Variants in DDC observed in about 807,000 individuals in gnomAD.
The protein encoded by DDC is dopa decarboxylase.
DDC carries 43 observed loss-of-function variants against 60.0 expected under a neutral mutation model. That is an observed-to-expected ratio of 0.72 (90% CI 0.56 to 0.92). DDC has a LOEUF of 0.92. Among genes scored for constraint, DDC ranks in the 40% least tolerant of loss-of-function variants. DDC has a pLI of 0.00. For missense variants in DDC, 573 were observed against 620.2 expected (o/e 0.92, Z 0.81); for synonymous variants, 232 against 234.6 (o/e 0.99, Z 0.10).
chr7:50,478,204 C>T lies in DDC; in HGVS notation c.1022-1561G>A, dbSNP rs1247377309. Among the ~76,000 whole-genome samples, 2 of 98,476 alleles carry T rather than the reference C, an allele frequency of 2.0e-5. 1 individual carries two copies. Among genetic ancestry groups the T allele is most frequent in the Non-Finnish European group, 4.3e-5 (2 of 46,248 alleles). The allele number at this position is 98,476 out of a possible 152,430, so 64.6% of individuals were successfully genotyped here. A position where few individuals can be genotyped will look rare whatever the true frequency, so the allele number is the denominator to read the frequency against. On this transcript the variant is annotated intron_variant, in intron 10 of 14. Coordinates refer to ENST00000444124, the MANE Select transcript of DDC (RefSeq NM_001082971.2). ...TTCCAGCTTGGGTGACAGAGCCAAACCCTGTCTCAAAAAAAAAAAATTGTC... is the reference window on the plus strand; with the variant it reads ...TTCCAGCTTGGGTGACAGAGCCAAATCCTGTCTCAAAAAAAAAAAATTGTC...
intron 6 of DDC, among the ~76,000 whole-genome samples, chr7:50,523,787 T>G (rs1378139513): frequency 6.6e-6 from 1 of 152,210 alleles, no homozygotes; most frequent in African/African-American, 2.4e-5. Context: ...AAGCACACTC[T>G]TACCATACGA....
chr7:50,541,555 C>T (rs1046338731), intron 2 of DDC: 1 of 152,244 alleles, frequency 6.6e-6, no homozygotes, highest in African/African-American at 2.4e-5. Context: ...TTAGTGCCCT[C>T]ATAAGAAAAG....
At chr7:50,535,752 A>G (rs965278680) in intron 4 of DDC, among the ~76,000 whole-genome samples, 3 of 152,234 alleles carry the variant, frequency 2.0e-5, no homozygotes, top group African/African-American at 7.2e-5. Context: ...TCATTCCCAG[A>G]GATTTCAGGT....
chr7:50,470,071 A>G lies in DDC; in HGVS notation c.1140+2T>C, dbSNP rs1302169923. 1 of 1,587,026 alleles carries G rather than the reference A, an allele frequency of 6.3e-7. No homozygotes were observed. Among genetic ancestry groups the G allele is most frequent in the Non-Finnish European group, 8.7e-7 (1 of 1,155,446 alleles). On this transcript the variant is annotated splice_donor_variant, in intron 12 of 14. Transcript: ENST00000444124. LOFTEE classifies it high-confidence loss of function. ...CGTGATAAATAATAAAAACAAAGTC[A>G]CCTTGCGGATATAAGCCTGCAGTCC...
chr7:50,462,747 A>G (rs1001459101), intron 14 of DDC, among the ~76,000 whole-genome samples: 3 of 150,358 alleles, frequency 2.0e-5, no homozygotes, highest in Non-Finnish European at 2.9e-5. Flanking sequence ...TCCAGAATTA[A>G]CATGGTTTTC....
At chr7:50,541,539 G>A (rs1198648079) in intron 2 of DDC, 1 of 152,264 alleles carries the variant, frequency 6.6e-6, no homozygotes, top group Non-Finnish European at 1.5e-5. Context: ...CCCCCCAACA[G>A]TGGGATTAGT....
At chr7:50,463,163 C>T in intron 14 of DDC, 50 bp downstream of exon 14, 1 of 1,487,236 alleles carries the variant, frequency 6.7e-7, no homozygotes, top group Non-Finnish European at 9.2e-7. Flanking sequence ...GGAGGACACT[C>T]TTGCCACGGG....
chr7:50,472,224 C>T (rs1391308749), intron 11 of DDC, among the ~76,000 whole-genome samples: 1 of 152,150 alleles, frequency 6.6e-6, no homozygotes, highest in Non-Finnish European at 1.5e-5. Flanking sequence ...CCTTTTTAGT[C>T]CCAGCCCCAA....
chr7:50,466,644 T>C (rs2042405299), intron 13 of DDC, among the ~76,000 whole-genome samples: 1 of 152,164 alleles, frequency 6.6e-6, no homozygotes, highest in South Asian at 2.1e-4. Flanking sequence ...TCAGTAGAGA[T>C]GGCTTATGCC....
intron 9 of DDC, among the ~76,000 whole-genome samples, chr7:50,494,973 CTT>C (rs1279165862): frequency 1.3e-5 from 2 of 152,150 alleles, no homozygotes; most frequent in African/African-American, 4.8e-5. Context: ...TTAGCAAATA[CTT>C]TTAAGCATTT....
intron 6 of DDC, among the ~76,000 whole-genome samples, chr7:50,527,220 T>C (rs1317187527): frequency 6.6e-6 from 1 of 150,822 alleles, no homozygotes; most frequent in Non-Finnish European, 1.5e-5. Context: ...CGACATACGC[T>C]ATAAGTGGTT....
chr7:50,515,657 C>T (rs920158552), intron 6 of DDC, among the ~76,000 whole-genome samples: 1 of 152,178 alleles, frequency 6.6e-6, no homozygotes, highest in Admixed American at 6.5e-5. Flanking sequence ...TGGATAATAA[C>T]TCACCAACCA....
At chr7:50,466,493 GAAAAAAAAAAA>G (rs57396757) in intron 13 of DDC, among the ~76,000 whole-genome samples, 4 of 64,088 alleles carry the variant, frequency 6.2e-5, no homozygotes, top group Non-Finnish European at 1.0e-4. Context: ...TCTCCAAAAA[GAAAAAAAAAAA>G]AAAAAAAAAA....
chr7:50,472,804 G>A (rs1287166194), intron 11 of DDC, among the ~76,000 whole-genome samples: 1 of 152,114 alleles, frequency 6.6e-6, no homozygotes, highest in Non-Finnish European at 1.5e-5. Context: ...CTCATCTACT[G>A]ACGGGGGATA....
intron 1 of DDC, among the ~76,000 whole-genome samples, chr7:50,557,967 C>A (rs1030533618): frequency 1.3e-5 from 2 of 152,150 alleles, no homozygotes; most frequent in East Asian, 3.9e-4. Context: ...TATTTTCATT[C>A]ATGGTTGCTA....
intron 8 of DDC, among the ~76,000 whole-genome samples, chr7:50,497,221 A>AAG (rs3071975): frequency 0.77 from 117,056 of 151,918 alleles, 45,328 homozygotes; most frequent in Admixed American, 0.84. Flanking sequence ...TGGGCATGGA[A>AAG]AGAGTCGGGA....
chr7:50,553,210 T>G (rs2045068241), intron 1 of DDC, among the ~76,000 whole-genome samples: 1 of 152,196 alleles, frequency 6.6e-6, no homozygotes. Context: ...AAGACATGAT[T>G]TTGCTGCAAA....
At chr7:50,486,938 C>T (rs2042891883) in intron 9 of DDC, among the ~76,000 whole-genome samples, 1 of 152,200 alleles carries the variant, frequency 6.6e-6, no homozygotes, top group Non-Finnish European at 1.5e-5. Context: ...ACATAATTGA[C>T]TATTCCCCTG....
At chr7:50,538,067 C>T (rs764779988) in intron 3 of DDC, 88 bp from the exon 4 acceptor site, 16 of 1,508,022 alleles carry the variant, frequency 1.1e-5, no homozygotes, top group Non-Finnish European at 1.4e-5. Flanking sequence ...TAACCTTCCA[C>T]TAAAGCCCAG....
Sources: allele counts gnomAD v4.1 joint callset (sites outside exome capture counted in the v4.1 genomes callset), GRCh38; gene constraint gnomAD v4.1.1; transcripts MANE v1.5; gene names NCBI Gene and HGNC (gene_info 2026-07-23, HGNC 2026-07-21).